Variants in BARX2 observed in about 807,000 individuals in gnomAD.
The protein encoded by BARX2 is homeobox protein BarH-like 2.
A neutral mutation model predicts 25.5 loss-of-function variants in BARX2; 11 were observed. The ratio of observed to expected loss-of-function variants is 0.43; its 90% CI spans 0.27 to 0.71. BARX2 has a LOEUF of 0.71. Ranked by LOEUF, BARX2 falls within the 30% of genes least tolerant of loss-of-function variation. The pLI, the probability that BARX2 is intolerant of heterozygous loss-of-function variation, is 0.19. For synonymous variants in BARX2, 137 were observed against 149.5 expected (o/e 0.92, Z 0.61); for missense variants, 360 against 359.9 (o/e 1.00, Z 0.00).
intron 3 of BARX2, 60 bp from the exon 4 acceptor site, chr11:129,451,076 T>G: frequency 1.3e-6 from 2 of 1,570,428 alleles, no homozygotes; most frequent in Non-Finnish European, 1.7e-6. Flanking sequence ...ATACTGGGAG[T>G]GGAAAGGTGG....
In BARX2 at chr11:129,403,075, A is replaced by G. The variant is rs143427013; in HGVS notation, c.187+26853A>G. Reference sequence around the variant, plus strand: ...GTGGAATACTAATGGTGTCCTTGAAAGAAGGCTCAGCTGTCCTCGTGTTGC... The same window carrying G: ...GTGGAATACTAATGGTGTCCTTGAAGGAAGGCTCAGCTGTCCTCGTGTTGC... On this transcript the variant is annotated intron_variant, in intron 1 of 3. Transcript: ENST00000281437. 1.2e-4 allele frequency among the ~76,000 whole-genome samples: 19 copies of G among 152,368 alleles called. No homozygotes were observed. In the East Asian group the frequency reaches 1.5e-3, roughly 12 times the overall value.
At chr11:129,438,089 C>G (rs551751027) in intron 2 of BARX2, 1 of 151,752 alleles carries the variant, frequency 6.6e-6, no homozygotes, top group East Asian at 1.9e-4. Context: ...CTTTGGGAGG[C>G]CGAGGCAGGT....
At chr11:129,393,854 CTT>C (rs1323180765) in intron 1 of BARX2, among the ~76,000 whole-genome samples, 1 of 152,094 alleles carries the variant, frequency 6.6e-6, no homozygotes, top group East Asian at 1.9e-4. Context: ...AATTTCAACA[CTT>C]TGGGAGGCTG....
chr11:129,442,638 T>TTTCTCAGC, intron 2 of BARX2, 197 bp from the exon 3 acceptor site: 1 of 625,798 alleles, frequency 1.6e-6, no homozygotes, highest in South Asian at 1.6e-5. Context: ...TGGGCATCTG[T>TTTCTCAGC]TTCTCAGCTT....
rs1243251936 is a variant in BARX2, at chr11:129,451,433, T to C, written c.*31T>C. On this transcript the variant is annotated 3_prime_UTR_variant, in exon 4 of 4. Transcript: ENST00000281437. ...AACCCTTTTGAGGGAAGAGGGAGAC[T>C]GGGGAGAAGGGAAAAGAGAGAAGGC... 2 of 1,596,722 alleles carry C rather than the reference T, an allele frequency of 1.3e-6. No homozygotes were observed. The highest frequency in any genetic ancestry group is 2.7e-5 in the African/African-American group (2 of 74,362).
At chr11:129,407,097 G>T (rs1045048502) in intron 1 of BARX2, among the ~76,000 whole-genome samples, 7 of 152,146 alleles carry the variant, frequency 4.6e-5, no homozygotes, top group Non-Finnish European at 7.3e-5. Flanking sequence ...TTGCGAATGG[G>T]ACCTCAGAAG....
At chr11:129,442,735 TAGCCAGTGCTGG>T (rs1565523143) in intron 2 of BARX2, 88 bp from the exon 3 acceptor site, 1 of 1,034,902 alleles carries the variant, frequency 9.7e-7, no homozygotes, top group South Asian at 1.3e-5. Flanking sequence ...CGAGCCTTGG[TAGCCAGTGCTGG>T]AGCCTGTCTG....
At chr11:129,392,609 T>G (rs1861676980) in intron 1 of BARX2, among the ~76,000 whole-genome samples, 1 of 152,160 alleles carries the variant, frequency 6.6e-6, no homozygotes, top group Non-Finnish European at 1.5e-5. Context: ...TAACTTTTTT[T>G]TTGTTTGATT....
chr11:129,376,196 G>A lies in BARX2; in HGVS notation c.161G>A (p.Arg54Gln), dbSNP rs543456863. 6 of 1,609,190 alleles carry A rather than the reference G, an allele frequency of 3.7e-6. No homozygotes were observed. In the South Asian group the frequency reaches 5.5e-5, roughly 15 times the overall value. The stretch of plus-strand genomic sequence containing the variant: ...TCCGTGTGCCCGTCGCTGGTCGTGC[G>A]ACCCAAGCCCCTGCATTCCTGTACG... ...LYSVCPSLVV[R>Q]PKPLHSCTGS... is the part of the protein sequence containing the mutation. Residue 54 changes from arginine (R) to glutamine (Q), a missense_variant, in exon 1 of 4, where the codon CGA becomes CAA. By Grantham distance (43) the Arg-to-Gln change is conservative. Around this residue, in one of 3 missense-constraint regions of BARX2, gnomAD observed 240 missense variants for 228.7 expected, o/e 1.05. Transcript: ENST00000281437. The surrounding 1 kb of genome is among the most constrained non-coding windows in gnomAD (Gnocchi z 4.2).
chr11:129,402,013 C>T (rs112977610), intron 1 of BARX2, among the ~76,000 whole-genome samples: 195 of 127,354 alleles, frequency 1.5e-3, no homozygotes, highest in African/African-American at 6.6e-3. Context: ...ATGTGGTTGA[C>T]AGTGGTTTTT....
chr11:129,426,401 C>G (rs996891284), intron 1 of BARX2, among the ~76,000 whole-genome samples: 4 of 151,230 alleles, frequency 2.6e-5, no homozygotes, highest in African/African-American at 9.7e-5. Flanking sequence ...GAGACAGAGT[C>G]TCACTCTGTT....
At chr11:129,425,378 G>T (rs1862050924) in intron 1 of BARX2, among the ~76,000 whole-genome samples, 1 of 152,214 alleles carries the variant, frequency 6.6e-6, no homozygotes, top group African/African-American at 2.4e-5. Context: ...CTAAACAGCA[G>T]CTGTTCCTGG....
At chr11:129,438,630 G>A (rs1862221163) in intron 2 of BARX2, among the ~76,000 whole-genome samples, 2 of 152,200 alleles carry the variant, frequency 1.3e-5, no homozygotes, top group South Asian at 2.1e-4. Context: ...TTCTGTTAAT[G>A]AGGCACCGTC....
At chr11:129,384,479 A>G (rs1861600122) in intron 1 of BARX2, among the ~76,000 whole-genome samples, 1 of 152,162 alleles carries the variant, frequency 6.6e-6, no homozygotes, top group African/African-American at 2.4e-5. Flanking sequence ...TCACTCGGTG[A>G]ATTAACCATC....
At chr11:129,391,731 T>C (rs1861667586) in intron 1 of BARX2, among the ~76,000 whole-genome samples, 1 of 152,204 alleles carries the variant, frequency 6.6e-6, no homozygotes, top group Non-Finnish European at 1.5e-5. Flanking sequence ...ACACAGGATT[T>C]TCTGCACGGA....
At chr11:129,387,658 A>G (rs1861628754) in intron 1 of BARX2, among the ~76,000 whole-genome samples, 1 of 152,210 alleles carries the variant, frequency 6.6e-6, no homozygotes, top group Non-Finnish European at 1.5e-5. Flanking sequence ...GGCTATTGGA[A>G]GCATGTTTTC....
chr11:129,413,845 C>G (rs1038935884), intron 1 of BARX2, among the ~76,000 whole-genome samples: 2 of 152,066 alleles, frequency 1.3e-5, no homozygotes, highest in East Asian at 3.9e-4. Context: ...AGGCGGATCA[C>G]GAGGTCAGGA....
At chr11:129,384,622 T>A (rs1458952275) in intron 1 of BARX2, among the ~76,000 whole-genome samples, 3 of 152,210 alleles carry the variant, frequency 2.0e-5, no homozygotes, top group African/African-American at 7.2e-5. Flanking sequence ...AATGGTAACT[T>A]ATAGACAATG....
chr11:129,437,790 A>C (rs752271), intron 2 of BARX2: 6 of 151,742 alleles, frequency 4.0e-5, no homozygotes, highest in Non-Finnish European at 8.8e-5. Context: ...AGTTTGGGAG[A>C]CTGAGGCAGT....
Sources: allele counts gnomAD v4.1 joint callset (sites outside exome capture counted in the v4.1 genomes callset), GRCh38; gene constraint gnomAD v4.1.1; regional missense constraint gnomAD v4.1.1; non-coding constraint Gnocchi (gnomAD v3.1); transcripts MANE v1.5; gene names NCBI Gene and HGNC (gene_info 2026-07-23, HGNC 2026-07-21).